The following SLITRK1 variants were observed in gnomAD, a reference collection of about 807,000 sequenced individuals.
SLITRK1 encodes the protein SLIT and NTRK-like protein 1.
Under a neutral mutation model 42.4 loss-of-function variants are expected in SLITRK1, and 10 were observed. The observed-to-expected ratio is 0.24, with a 90% CI of 0.15 to 0.40. SLITRK1 has a LOEUF of 0.40. Among genes scored for constraint, SLITRK1 ranks in the 10% least tolerant of loss-of-function variants. The pLI is 1.00. For missense variants in SLITRK1, 778 were observed against 848.8 expected (o/e 0.92, Z 1.04); for synonymous variants, 389 against 365.7 (o/e 1.06, Z -0.73).
chr13:83,880,537 G>A lies in SLITRK1; in HGVS notation c.971C>T (p.Ala324Val). 3.7e-6 allele frequency: 6 copies of A among 1,614,090 alleles called. No homozygotes were observed. The highest frequency in any genetic ancestry group is 5.1e-6 in the Non-Finnish European group (6 of 1,180,028). The change falls in exon 2 of 2, where the codon GCG becomes GTG. Residue 324 changes from alanine (A) to valine (V), a missense_variant. Around this residue, in one of 4 missense-constraint regions of SLITRK1, gnomAD observed 395 missense variants for 360.4 expected, o/e 1.10. Coordinates refer to ENST00000674365, the MANE Select transcript of SLITRK1 (RefSeq NM_001281503.2). The stretch of plus-strand genomic sequence containing the variant: ...GTTCCTGGAGCTACCCGTCGCTATC[G>A]CTGCTGTGGGTCTGATTTTGATCTG... ...NWQIKIRPTA[A>V]IATGSSRNKP...
chr13:83,878,145 G>C lies in SLITRK1; in HGVS notation c.*1272C>G, dbSNP rs1884729313. On this transcript the variant is annotated 3_prime_UTR_variant, in exon 2 of 2. Coordinates refer to ENST00000674365, the MANE Select transcript of SLITRK1 (RefSeq NM_001281503.2). ...AAGAGCCTTAATGTAGCTCAGGAAG[G>C]GATCTAACCCCAACCGTTTCCCTCC... 1 of 152,046 alleles carries C rather than the reference G, an allele frequency of 6.6e-6. No individual in the cohort carries two copies. Among genetic ancestry groups the C allele is most frequent in the Non-Finnish European group, 1.5e-5 (1 of 68,000 alleles). The allele number at this position is 152,046 out of a possible 1,614,324, so 9.4% of individuals were successfully genotyped here. A position where few individuals can be genotyped will look rare whatever the true frequency, so the allele number is the denominator to read the frequency against.
chr13:83,879,249 A>G lies in SLITRK1; in HGVS notation c.*168T>C, dbSNP rs1264154072. 2.6e-6 allele frequency: 2 copies of G among 765,942 alleles called. No individual in the cohort carries two copies. The highest frequency in any genetic ancestry group is 2.1e-6 in the Non-Finnish European group (1 of 470,856). 47.4% of individuals were successfully genotyped at this position (765,942 alleles called of 1,614,324 possible). A position where few individuals can be genotyped will look rare whatever the true frequency, so the allele number is the denominator to read the frequency against. ...TTTGTTTCAAGGAGGGAGCTAAGTA[A>G]GGGGTCAGGCCCTTTCGGTTGTGCG... On this transcript the variant is annotated 3_prime_UTR_variant, in exon 2 of 2. Coordinates refer to ENST00000674365, the MANE Select transcript of SLITRK1 (RefSeq NM_001281503.2).
rs371169272 is a variant in SLITRK1 at position 83,879,480 on chromosome 13, C to T, written c.2028G>A (p.Gly676=). Residue 676 remains glycine, a synonymous_variant, in exon 2 of 2, where the codon GGG becomes GGA. Transcript: ENST00000674365. ...TVCDSSYWHN[G]PYNADGAHRV... The stretch of plus-strand genomic sequence containing the variant: ...TGTGGGCCCCATCTGCGTTGTAAGG[C>T]CCATTGTGCCAGTAGGAAGAGTCAC... 1 of 1,613,944 alleles carries T rather than the reference C, an allele frequency of 6.2e-7. No homozygotes were observed. The highest frequency in any genetic ancestry group is 8.5e-7 in the Non-Finnish European group (1 of 1,180,018).
In SLITRK1 at chr13:83,881,842, A is replaced by C. The variant is rs576190269; in HGVS notation, c.-54+162T>G. 204 of 275,260 alleles carry C rather than the reference A, an allele frequency of 7.4e-4. 1 individual carries two copies. The highest frequency in any genetic ancestry group is 1.4e-3 in the Non-Finnish European group (187 of 137,670). The allele number at this position is 275,260 out of a possible 1,614,324, so 17.1% of individuals were successfully genotyped here. A position where few individuals can be genotyped will look rare whatever the true frequency, so the allele number is the denominator to read the frequency against. On this transcript the variant is annotated intron_variant, in intron 1 of 1. Transcript: ENST00000674365. ...AAAAAGAAGTTAAATATATACATAT[A>C]AATTAAAAGTACACCCTTACAGAAT...
At position 83,879,654 on chromosome 13, in the gene SLITRK1, C is replaced by T. The variant is rs747216068; in HGVS notation, c.1854G>A (p.Ser618=). 2 of 1,613,940 alleles carry T rather than the reference C, an allele frequency of 1.2e-6. No individual in the cohort carries two copies. Among genetic ancestry groups the T allele is most frequent in the Middle Eastern group, 1.6e-4 (1 of 6,062 alleles). The change falls in exon 2 of 2, where the codon TCG becomes TCA. Residue 618 remains serine (S), a synonymous_variant. Coordinates refer to ENST00000674365, the MANE Select transcript of SLITRK1 (RefSeq NM_001281503.2). ...CCAGCAGCAGTCCCGGGACCAACAC[C>T]GAGATGGACACCCTGCTGGTGTCTA... ...SYLDTSRVSI[S]VLVPGLLLVF...
In SLITRK1 at chr13:83,881,553, C is replaced by A. The variant is rs758835950; in HGVS notation, c.-46G>T. 6.2e-7 allele frequency: 1 copy of A among 1,611,034 alleles called. No individual in the cohort carries two copies. The highest frequency in any genetic ancestry group is 1.1e-5 in the South Asian group (1 of 90,962). ...CCCCGATCTCATCACAAAGTAACAG[C>A]GACCATCCTGCTCGCCACAGACACA... On this transcript the variant is annotated 5_prime_UTR_variant, in exon 2 of 2. Coordinates refer to ENST00000674365, the MANE Select transcript of SLITRK1 (RefSeq NM_001281503.2).
Position 83,881,092 on chromosome 13 carries a change from A to C in SLITRK1, c.416T>G (p.Phe139Cys). 6.2e-7 allele frequency: 1 copy of C among 1,614,006 alleles called. No individual in the cohort carries two copies. The highest frequency in any genetic ancestry group is 8.5e-7 in the Non-Finnish European group (1 of 1,179,986). Residue 139 changes from phenylalanine to cysteine, a missense_variant, in exon 2 of 2, where the codon TTT becomes TGT. By Grantham distance (205) the Phe-to-Cys change is radical. Around this residue, in one of 4 missense-constraint regions of SLITRK1, gnomAD observed 204 missense variants for 295.3 expected, o/e 0.69. Transcript: ENST00000674365. ...CGGGTCTATATCTCGTAATAAATTA[A>C]AATCAGCCTGGAGATATTCCAGATC... Reference protein sequence around the residue: ...LDDLEYLQADFNLLRDIDPGA... With the variant: ...LDDLEYLQADCNLLRDIDPGA...
Position 83,881,453 on chromosome 13 carries a change from C to T in SLITRK1, c.55G>A (p.Val19Ile), listed in dbSNP as rs1594118917. The change falls in exon 2 of 2, where the codon GTT becomes ATT. Residue 19 changes from valine (V) to isoleucine (I), a missense_variant. This residue lies in a region of SLITRK1 where 204 missense variants were observed against 295.3 expected (regional missense o/e 0.69). Coordinates refer to ENST00000674365, the MANE Select transcript of SLITRK1 (RefSeq NM_001281503.2). ...ETSLCFAAGN[V>I]TGDVCKEKIC... ...TTCTCTTTGCAAACGTCCCCTGTAA[C>T]GTTTCCAGCGGCAAAACAAAGAGAC... 1.2e-6 allele frequency: 2 copies of T among 1,613,916 alleles called. No individual in the cohort carries two copies. The highest frequency in any genetic ancestry group is 2.7e-5 in the African/African-American group (2 of 74,888).
rs2137217919 is a variant in SLITRK1 at position 83,880,924 on chromosome 13, T to C, written c.584A>G (p.Glu195Gly). The C allele has an allele frequency of 6.2e-7, 1 of 1,614,024 alleles. No individual in the cohort carries two copies. Among genetic ancestry groups the C allele is most frequent in the Non-Finnish European group, 8.5e-7 (1 of 1,179,998 alleles). Residue 195 changes from glutamate to glycine, a missense_variant, in exon 2 of 2, where the codon GAG becomes GGG. Coordinates refer to ENST00000674365, the MANE Select transcript of SLITRK1 (RefSeq NM_001281503.2). ...RGNRLKTLPY[E>G]EVLEQIPGIA... Reference sequence around the variant, plus strand: ...ACCAGGGATTTGCTCCAAGACCTCCTCATAGGGCAGCGTTTTCAGCCTGTT... The same window carrying C: ...ACCAGGGATTTGCTCCAAGACCTCCCCATAGGGCAGCGTTTTCAGCCTGTT...
At position 83,881,346 on chromosome 13, in the gene SLITRK1, A is replaced by G. The variant is rs752646264; in HGVS notation, c.162T>C (p.Thr54=). 1 of 1,614,208 alleles carries G rather than the reference A, an allele frequency of 6.2e-7. No homozygotes were observed. The highest frequency in any genetic ancestry group is 8.5e-7 in the Non-Finnish European group (1 of 1,180,050). Reference sequence around the variant, plus strand: ...AATGGTAAAACTGGGAAGTCGGGGCAGTGAAACGCTGCAGACTTGTGAAGC... The same window carrying G: ...AATGGTAAAACTGGGAAGTCGGGGCGGTGAAACGCTGCAGACTTGTGAAGC... ...KKGFTSLQRF[T]APTSQFYHLF... Residue 54 remains threonine, a synonymous_variant, in exon 2 of 2, where the codon ACT becomes ACC. Coordinates refer to ENST00000674365, the MANE Select transcript of SLITRK1 (RefSeq NM_001281503.2).
Position 83,878,997 on chromosome 13 carries a change from C to G in SLITRK1, c.*420G>C, listed in dbSNP as rs1594116946. Reference sequence around the variant, plus strand: ...CCATCCCTGCGTAGCCAACAGGGAGCCATCACGGGGCTAATCCACAGGGGA... The same window carrying G: ...CCATCCCTGCGTAGCCAACAGGGAGGCATCACGGGGCTAATCCACAGGGGA... On this transcript the variant is annotated 3_prime_UTR_variant, in exon 2 of 2. Transcript: ENST00000674365. 5.5e-6 allele frequency: 1 copy of G among 181,790 alleles called. No homozygotes were observed. The highest frequency in any genetic ancestry group is 1.2e-5 in the Non-Finnish European group (1 of 85,532). 11.3% of individuals were successfully genotyped at this position (181,790 alleles called of 1,614,324 possible). A position where few individuals can be genotyped will look rare whatever the true frequency, so the allele number is the denominator to read the frequency against.
rs1884830226 is a variant in SLITRK1, at chr13:83,882,201, T to A, written c.-251A>T. Reference sequence around the variant, plus strand: ...TGGAAAATTTCCGCAATCGCTGCGTTTTGTGGTTGTCCATCCTTTTCCTTT... The same window carrying A: ...TGGAAAATTTCCGCAATCGCTGCGTATTGTGGTTGTCCATCCTTTTCCTTT... On this transcript the variant is annotated 5_prime_UTR_variant, in exon 1 of 2. Transcript: ENST00000674365. 1 of 166,936 alleles carries A rather than the reference T, an allele frequency of 6.0e-6. No individual in the cohort carries two copies. Among genetic ancestry groups the A allele is most frequent in the Admixed American group, 6.6e-5 (1 of 15,262 alleles). The allele number at this position is 166,936 out of a possible 1,614,324, so 10.3% of individuals were successfully genotyped here.
Position 83,880,344 on chromosome 13 carries a change from G to C in SLITRK1, c.1164C>G (p.His388Gln). The change falls in exon 2 of 2, where the codon CAC becomes CAG. Residue 388 changes from histidine to glutamine, a missense_variant. His to Gln is a conservative substitution (Grantham distance 24). This residue lies in a region of SLITRK1 where 395 missense variants were observed against 360.4 expected (regional missense o/e 1.10). Transcript: ENST00000674365. ...QELFLRDNKI[H>Q]SIRKSHFVDY... ...CCACAAAGTGCGATTTTCGGATGCT[G>C]TGGATCTTGTTATCTCGTAGGAAAA... 6.2e-7 allele frequency: 1 copy of C among 1,613,960 alleles called. No homozygotes were observed. Among genetic ancestry groups the C allele is most frequent in the African/African-American group, 1.3e-5 (1 of 75,002 alleles).
rs1259586016 is a variant in SLITRK1, at chr13:83,880,628, C to T, written c.880G>A (p.Gly294Arg). 1 of 1,614,068 alleles carries T rather than the reference C, an allele frequency of 6.2e-7. No individual in the cohort carries two copies. Among genetic ancestry groups the T allele is most frequent in the Admixed American group, 1.7e-5 (1 of 59,996 alleles). Residue 294 changes from glycine (G) to arginine (R), a missense_variant, in exon 2 of 2, where the codon GGG becomes AGG. This residue lies in a region of SLITRK1 where 395 missense variants were observed against 360.4 expected (regional missense o/e 1.10). Transcript: ENST00000674365. Reference sequence around the variant, plus strand: ...CCTGGTGTGGCATGATCCTCTTGCCCATTTGTCTTGAAAGGAGTTGGCAGG... The same window carrying T: ...CCTGGTGTGGCATGATCCTCTTGCCTATTTGTCTTGAAAGGAGTTGGCAGG... ...GPLPTPFKTN[G>R]QEDHATPGSA...
At chr13:83,881,595 T>C in intron 1 of SLITRK1, 35 bp from the exon 2 acceptor site, 2 of 1,124,766 alleles carry the variant, frequency 1.8e-6, no homozygotes, top group Non-Finnish European at 2.5e-6. Flanking sequence ...GTTCATTTAG[T>C]GCTCCAATGT....
rs768539503 is a variant in SLITRK1, at chr13:83,880,371, C to T, written c.1137G>A (p.Glu379=). The change falls in exon 2 of 2, where the codon GAG becomes GAA. Residue 379 remains glutamate, a synonymous_variant. Transcript: ENST00000674365. The part of the protein sequence containing the change: ...DLKPKLSNVQ[E]LFLRDNKIHS... The stretch of plus-strand genomic sequence containing the variant: ...GGATCTTGTTATCTCGTAGGAAAAG[C>T]TCCTGCACGTTAGAGAGCTTGGGCT... 27 of 1,613,892 alleles carry T rather than the reference C, an allele frequency of 1.7e-5. No individual in the cohort carries two copies. Among genetic ancestry groups the T allele is most frequent in the South Asian group, 1.5e-4 (14 of 91,068 alleles).
chr13:83,880,760 T>C lies in SLITRK1; in HGVS notation c.748A>G (p.Lys250Glu), dbSNP rs1884797097. The part of the protein sequence containing the change: ...VCEAPTRLQG[K>E]DLNETTEQDL... ...TGTTCGGTGGTTTCATTGAGGTCTT[T>C]ACCCTGCAGTCTGGTGGGGGCTTCG... Residue 250 changes from lysine to glutamate, a missense_variant, in exon 2 of 2, where the codon AAA becomes GAA. By Grantham distance (56) the Lys-to-Glu change is moderately conservative (BLOSUM62 1). This residue lies in a region of SLITRK1 where 395 missense variants were observed against 360.4 expected (regional missense o/e 1.10). Transcript: ENST00000674365. 1 of 1,614,150 alleles carries C rather than the reference T, an allele frequency of 6.2e-7. No individual in the cohort carries two copies. Among genetic ancestry groups the C allele is most frequent in the Non-Finnish European group, 8.5e-7 (1 of 1,180,024 alleles).
chr13:83,879,896 C>A lies in SLITRK1; in HGVS notation c.1612G>T (p.Val538Leu). ...CGTTCTGCCCACTGCTTGAAAGGCA[C>A]AATTGTGCAGGAGCACTCCCAGGGG... ...GNPWECSCTI[V>L]PFKQWAERLG... Residue 538 changes from valine (V) to leucine (L), a missense_variant, in exon 2 of 2, where the codon GTG becomes TTG. Physicochemically the swap from Val to Leu is conservative, Grantham distance 32. This residue lies in a region of SLITRK1 where 395 missense variants were observed against 360.4 expected (regional missense o/e 1.10). Coordinates refer to ENST00000674365, the MANE Select transcript of SLITRK1 (RefSeq NM_001281503.2). 3 of 1,614,120 alleles carry A rather than the reference C, an allele frequency of 1.9e-6. No homozygotes were observed. The highest frequency in any genetic ancestry group is 1.7e-6 in the Non-Finnish European group (2 of 1,180,038).
In SLITRK1 at chr13:83,879,255, C is replaced by G; in HGVS notation, c.*162G>C. On this transcript the variant is annotated 3_prime_UTR_variant, in exon 2 of 2. Coordinates refer to ENST00000674365, the MANE Select transcript of SLITRK1 (RefSeq NM_001281503.2). ...TCAAGGAGGGAGCTAAGTAAGGGGT[C>G]AGGCCCTTTCGGTTGTGCGAGCTCA... 1.2e-6 allele frequency: 1 copy of G among 828,110 alleles called. No individual in the cohort carries two copies. Among genetic ancestry groups the G allele is most frequent in the Non-Finnish European group, 1.9e-6 (1 of 517,466 alleles). 51.3% of individuals were successfully genotyped at this position (828,110 alleles called of 1,614,324 possible).
Sources: allele counts gnomAD v4.1 joint callset, GRCh38; gene constraint gnomAD v4.1.1; regional missense constraint gnomAD v4.1.1; transcripts MANE v1.5; gene names NCBI Gene and HGNC (gene_info 2026-07-23, HGNC 2026-07-21).